NUMA1: variants seen among roughly 807,000 people sequenced by gnomAD.
NUMA1 encodes SP-H antigen.
NUMA1 carries 62 observed loss-of-function variants against 237.1 expected under a neutral mutation model. That is an observed-to-expected ratio of 0.26 (90% confidence interval 0.21 to 0.32). NUMA1 has a LOEUF of 0.32. Ranked by LOEUF, NUMA1 falls within the 10% of genes least tolerant of loss-of-function variation. The pLI, the probability that NUMA1 is intolerant of heterozygous loss-of-function variation, is 1.00. For missense variants in NUMA1, 2,533 were observed against 2,666.5 expected (o/e 0.95, Z 1.10); for synonymous variants, 1,028 against 1,066.1 (o/e 0.96, Z 0.70).
intron 1 of NUMA1, among the ~76,000 whole-genome samples, chr11:72,079,255 T>C (rs985592930): frequency 2.7e-5 from 4 of 149,772 alleles, no homozygotes; most frequent in South Asian, 2.1e-4. Context: ...AAATACCAGA[T>C]GGCAGGCCGG....
In NUMA1 at chr11:72,014,118, CCT is replaced by C; in HGVS notation, c.3383_3384del (p.Glu1128GlyfsTer16). 6.2e-7 allele frequency: 1 copy of C among 1,612,044 alleles called. No homozygotes were observed. Among genetic ancestry groups the C allele is most frequent in the Non-Finnish European group, 8.5e-7 (1 of 1,180,042 alleles). On this transcript the variant is annotated frameshift_variant, in exon 15 of 27. Coordinates refer to ENST00000393695, the MANE Select transcript of NUMA1 (RefSeq NM_006185.4). LOFTEE classifies it high-confidence loss of function. This position sits in a 1 kb window ranked among gnomAD's most constrained non-coding sequence, Gnocchi z 4.6. ...TGPKLEALRA[E>X]VSKLEQQCQK... ...TGGCATTGCTGTTCCAGCTTGCTCA[CCT>C]CTGCCCGCAGTGCCTCCAGCTTGGG...
At chr11:72,004,481 T>TC in intron 24 of NUMA1, 140 bp from the exon 25 acceptor site, 1 of 1,207,062 alleles carries the variant, frequency 8.3e-7, no homozygotes, top group Non-Finnish European at 1.2e-6. Context: ...GCCAGATCCT[T>TC]CCCTTCCCAA....
At chr11:72,007,160 C>A (rs766405504) in intron 21 of NUMA1, 29 bp downstream of exon 21, 1 of 1,600,646 alleles carries the variant, frequency 6.2e-7, no homozygotes, top group Admixed American at 1.7e-5. Context: ...GGAATTGCTG[C>A]CCTGCAGCCC....
chr11:72,064,472 GAA>G (rs879905683), intron 2 of NUMA1, among the ~76,000 whole-genome samples: 3 of 142,752 alleles, frequency 2.1e-5, no homozygotes, highest in Non-Finnish European at 4.6e-5. Flanking sequence ...CGTCTCTGGG[GAA>G]AAAAAAAAAA....
At chr11:72,018,120 G>C in intron 12 of NUMA1, 63 bp downstream of exon 12, 1 of 1,199,174 alleles carries the variant, frequency 8.3e-7, no homozygotes, top group East Asian at 2.3e-5. Context: ...CCCTCTCTTG[G>C]GGAGCCTTCC....
At chr11:72,062,500 G>C (rs1942995097) in intron 2 of NUMA1, 1 of 152,124 alleles carries the variant, frequency 6.6e-6, no homozygotes, top group South Asian at 2.1e-4. Flanking sequence ...ATCACCTGAG[G>C]TCAGGAGTTT....
chr11:72,018,147 G>T, intron 12 of NUMA1, 36 bp downstream of exon 12: 1 of 1,466,398 alleles, frequency 6.8e-7, no homozygotes, highest in Non-Finnish European at 9.6e-7. Context: ...CCTCAGCCCT[G>T]AGGGGCCTCC....
Position 72,007,074 on chromosome 11 carries a change from G to GT in NUMA1, c.5463+114dup, listed in dbSNP as rs1329730004. 2.3e-6 allele frequency: 3 copies of GT among 1,294,140 alleles called. No individual in the cohort carries two copies. In the East Asian group the frequency reaches 7.0e-5, roughly 30 times the overall value. The allele number at this position is 1,294,140 out of a possible 1,614,324, so 80.2% of individuals were successfully genotyped here. ...TTTAAGACCTCTCAGCTTTCCCACTGTAACATGGACTGGCTGCTCATCCCT... is the reference window on the plus strand; with the variant it reads ...TTTAAGACCTCTCAGCTTTCCCACTGTTAACATGGACTGGCTGCTCATCCCT... On this transcript the variant is annotated intron_variant, in intron 21 of 26. Transcript: ENST00000393695.
intron 4 of NUMA1, chr11:72,024,666 CGGGA>C: frequency 2.8e-6 from 1 of 362,900 alleles, no homozygotes; most frequent in Non-Finnish European, 5.2e-6. Context: ...CACAGATGAA[CGGGA>C]AGCTATATTA....
intron 2 of NUMA1, chr11:72,065,515 GA>G (rs1943159548): frequency 6.6e-6 from 1 of 152,056 alleles, no homozygotes; most frequent in Admixed American, 6.6e-5. Flanking sequence ...TGCAAAACCA[GA>G]AATATACAAG....
intron 21 of NUMA1, 132 bp downstream of exon 21, chr11:72,007,057 C>T: frequency 1.8e-6 from 2 of 1,113,388 alleles, no homozygotes; most frequent in Non-Finnish European, 1.3e-6. Flanking sequence ...TTTTTAAGAC[C>T]TCTCAGCTTT....
chr11:72,051,196 AC>A (rs1466996671), intron 2 of NUMA1, among the ~76,000 whole-genome samples: 1 of 152,130 alleles, frequency 6.6e-6, no homozygotes, highest in Non-Finnish European at 1.5e-5. Context: ...TCCTATCCAC[AC>A]TTTTAAAGAT....
rs146482232 is a variant in NUMA1 at position 72,022,351 on chromosome 11, T to C, written c.360A>G (p.Glu120=). The part of the protein sequence containing the change: ...SKSPRDWEQF[E]YKIQAELAVI... ...CACAAGGGCTTACCTGAATTTTATA[T>C]TCAAACTGTTCCCAGTCCCTGGGAC... Residue 120 remains glutamate, a synonymous_variant, in exon 7 of 27, where the codon GAA becomes GAG. Transcript: ENST00000393695. 1.1e-4 allele frequency: 181 copies of C among 1,613,020 alleles called. 1 individual carries two copies. In the African/African-American group the frequency reaches 1.8e-3, roughly 16 times the overall value.
intron 22 of NUMA1, 46 bp downstream of exon 22, chr11:72,005,989 T>G (rs1327407541): frequency 3.4e-6 from 5 of 1,450,386 alleles, no homozygotes; most frequent in Non-Finnish European, 4.7e-6. Context: ...ACGATCCACC[T>G]TCCAGTCTAA....
chr11:72,073,957 T>C (rs929673800), intron 1 of NUMA1, among the ~76,000 whole-genome samples: 2 of 151,876 alleles, frequency 1.3e-5, no homozygotes, highest in Non-Finnish European at 2.9e-5. Context: ...TTTGGGAGGC[T>C]GAGGCAGGTG....
chr11:72,034,008 G>T (rs1020383184), intron 3 of NUMA1, among the ~76,000 whole-genome samples: 1 of 152,006 alleles, frequency 6.6e-6, no homozygotes, highest in Admixed American at 6.6e-5. Flanking sequence ...CTAGCTACTT[G>T]GGGGGCTGAG....
intron 1 of NUMA1, among the ~76,000 whole-genome samples, chr11:72,073,306 C>CA (rs58179034): frequency 0.015 from 1,070 of 69,156 alleles, 6 homozygotes; most frequent in South Asian, 0.054. Context: ...GACCCTGTCT[C>CA]AAAAAAAAAA....
rs374194186 is a variant in NUMA1 at position 72,014,197 on chromosome 11, T to A, written c.3306A>T (p.Ala1102=). The A allele has an allele frequency of 1.2e-5, 19 of 1,613,908 alleles. No homozygotes were observed. The highest frequency in any genetic ancestry group is 1.6e-4 in the Middle Eastern group (1 of 6,084). Residue 1102 remains alanine (A), a synonymous_variant, in exon 15 of 27, where the codon GCA becomes GCT. Coordinates refer to ENST00000393695, the MANE Select transcript of NUMA1 (RefSeq NM_006185.4). The surrounding 1 kb of genome is among the most constrained non-coding windows in gnomAD (Gnocchi z 4.6). ...EQLAKKEKEH[A]SGSGAQSEAA... Reference sequence around the variant, plus strand: ...CCTCAGATTGGGCTCCTGAGCCAGATGCGTGCTCCTTTTCTTTCTTAGCCA... The same window carrying A: ...CCTCAGATTGGGCTCCTGAGCCAGAAGCGTGCTCCTTTTCTTTCTTAGCCA...
At chr11:72,046,116 T>C (rs1367149840) in intron 2 of NUMA1, among the ~76,000 whole-genome samples, 1 of 152,302 alleles carries the variant, frequency 6.6e-6, no homozygotes, top group East Asian at 1.9e-4. Flanking sequence ...TTCCCTCCTC[T>C]TCCTCCCTCC....
Sources: gnomAD v4.1 joint callset for allele counts (sites outside exome capture counted in the v4.1 genomes callset) on GRCh38, gnomAD v4.1.1 for gene constraint, Gnocchi (gnomAD v3.1) non-coding constraint, MANE v1.5 for transcripts, NCBI Gene and HGNC (gene_info 2026-07-23, HGNC 2026-07-21) for gene names.